CELF1: variants seen among roughly 807,000 people sequenced by gnomAD.
The protein encoded by CELF1 is 50 kDa nuclear polyadenylated RNA-binding protein.
CELF1 carries 10 observed loss-of-function variants against 61.8 expected under a neutral mutation model. The observed-to-expected ratio is 0.16, with a 90% CI of 0.10 to 0.27. CELF1 has a LOEUF of 0.27. CELF1 is among the 10% of genes least tolerant of loss of function. The pLI, the probability that CELF1 is intolerant of heterozygous loss-of-function variation, is 1.00. For missense variants in CELF1, 380 were observed against 639.1 expected (o/e 0.59, Z 4.37); for synonymous variants, 236 against 225.1 (o/e 1.05, Z -0.43).
At position 47,519,842 on chromosome 11, in the gene CELF1, G is replaced by A. The variant is rs138954681; in HGVS notation, c.-153-18910C>T. Among the ~76,000 whole-genome samples the A allele has an allele frequency of 8.6e-3, 1,296 of 150,438 alleles. 17 individuals carry two copies. Among genetic ancestry groups the A allele is most frequent in the African/African-American group, 0.03 (1,209 of 40,952 alleles). The stretch of plus-strand genomic sequence containing the variant: ...CGTGCCACTGCATTCCAGCCTGGGC[G>A]ACGGAGCCAGACTCCGTCTCAAAAA... On this transcript the variant is annotated intron_variant, in intron 1 of 14. Transcript: ENST00000687097.
chr11:47,545,085 T>C (rs1261782565), intron 1 of CELF1, among the ~76,000 whole-genome samples: 8 of 151,976 alleles, frequency 5.3e-5, no homozygotes, highest in Non-Finnish European at 1.0e-4. Flanking sequence ...GAGTTCAAGA[T>C]CAGCCTGGCC....
chr11:47,546,066 A>G (rs1239886784), intron 1 of CELF1, among the ~76,000 whole-genome samples: 1 of 151,460 alleles, frequency 6.6e-6, no homozygotes, highest in Non-Finnish European at 1.5e-5. Flanking sequence ...GCCTGCCACC[A>G]TGCCCAGCTA....
intron 3 of CELF1, among the ~76,000 whole-genome samples, chr11:47,492,992 G>A (rs1012917124): frequency 3.3e-5 from 5 of 152,154 alleles, no homozygotes; most frequent in Non-Finnish European, 5.9e-5. Flanking sequence ...CCTTCCCTCT[G>A]TTGTTTGTGT....
intron 1 of CELF1, chr11:47,524,105 C>G (rs1459471810): frequency 6.6e-6 from 1 of 152,124 alleles, no homozygotes; most frequent in Non-Finnish European, 1.5e-5. Context: ...CCCCACAGTT[C>G]CTTTCCTGGC....
At chr11:47,487,086 TG>T in intron 5 of CELF1, 72 bp downstream of exon 5, 1 of 1,187,642 alleles carries the variant, frequency 8.4e-7, no homozygotes, top group Non-Finnish European at 1.2e-6. Context: ...TTTCAGTGTG[TG>T]TCTGATATGT....
intron 1 of CELF1, among the ~76,000 whole-genome samples, chr11:47,535,521 A>G (rs1277523257): frequency 6.6e-6 from 1 of 151,636 alleles, no homozygotes; most frequent in Non-Finnish European, 1.5e-5. Flanking sequence ...TCTACTAAAA[A>G]TAGAAAATTA....
At chr11:47,541,753 AGAAC>A (rs2096797272) in intron 1 of CELF1, among the ~76,000 whole-genome samples, 4 of 14,588 alleles carry the variant, frequency 2.7e-4, no homozygotes, top group African/African-American at 5.2e-4. Flanking sequence ...AAAGAAAGAA[AGAAC>A]GAAAGAAAGA....
rs370769650 is a variant in CELF1 at position 47,492,600 on chromosome 11, C to T, written c.72-3576G>A. ...CAAAGCAATTAGCTGGGTGTGGTGG[C>T]GTGCACCTGTAATCCCAGCTACTCG... On this transcript the variant is annotated intron_variant, in intron 3 of 14. Coordinates refer to ENST00000687097, the MANE Select transcript of CELF1 (RefSeq NM_001376376.1). Among the ~76,000 whole-genome samples, 30 of 152,216 alleles carry T rather than the reference C, an allele frequency of 2.0e-4. No individual in the cohort carries two copies. The East Asian group carries it at 3.5e-3, about 18-fold the overall frequency.
chr11:47,541,816 A>G (rs1470853439), intron 1 of CELF1, among the ~76,000 whole-genome samples: 2 of 148,002 alleles, frequency 1.4e-5, no homozygotes, highest in South Asian at 2.2e-4. Context: ...GAAAGAAAGA[A>G]AGAAAGAAAG....
At chr11:47,505,984 G>T (rs1391640537) in intron 1 of CELF1, among the ~76,000 whole-genome samples, 1 of 150,682 alleles carries the variant, frequency 6.6e-6, no homozygotes, top group Non-Finnish European at 1.5e-5. Flanking sequence ...TTCAAGGAAG[G>T]TATTAGTACG....
At chr11:47,547,541 G>A (rs1411121302) in intron 1 of CELF1, among the ~76,000 whole-genome samples, 3 of 152,058 alleles carry the variant, frequency 2.0e-5, no homozygotes, top group African/African-American at 7.2e-5. Context: ...GCCAGGCTAG[G>A]TGGCTCATGC....
intron 7 of CELF1, 131 bp downstream of exon 7, chr11:47,484,258 T>C: frequency 1.1e-6 from 1 of 907,176 alleles, no homozygotes; most frequent in South Asian, 1.6e-5. Flanking sequence ...CAGGCTGCAG[T>C]GAGTTGTGAA....
chr11:47,484,145 C>G (rs989651107), intron 7 of CELF1, among the ~76,000 whole-genome samples: 1 of 152,018 alleles, frequency 6.6e-6, no homozygotes. Flanking sequence ...CCAGCCTGGG[C>G]AACACAGGGA....
intron 3 of CELF1, among the ~76,000 whole-genome samples, chr11:47,490,818 A>C (rs938194461): frequency 7.9e-5 from 12 of 152,146 alleles, no homozygotes; most frequent in African/African-American, 1.4e-4. Context: ...AGAATGCTGA[A>C]TCTATGAAAG....
At chr11:47,538,901 G>C (rs556987173) in intron 1 of CELF1, among the ~76,000 whole-genome samples, 36 of 152,168 alleles carry the variant, frequency 2.4e-4, no homozygotes, top group Non-Finnish European at 2.2e-4. Context: ...CATTCATGAA[G>C]TTACTGAGCT....
chr11:47,493,204 A>G (rs1428535693), intron 3 of CELF1, among the ~76,000 whole-genome samples: 3 of 151,892 alleles, frequency 2.0e-5, no homozygotes, highest in African/African-American at 7.3e-5. Flanking sequence ...CTGTTTATAT[A>G]CCAATTCAAT....
chr11:47,507,725 A>G (rs1383257803), intron 1 of CELF1, among the ~76,000 whole-genome samples: 1 of 152,188 alleles, frequency 6.6e-6, no homozygotes, highest in Non-Finnish European at 1.5e-5. Flanking sequence ...CTGAAAGACA[A>G]AGCCAGACCC....
At chr11:47,509,371 G>C (rs1189455573) in intron 1 of CELF1, among the ~76,000 whole-genome samples, 1 of 152,158 alleles carries the variant, frequency 6.6e-6, no homozygotes, top group African/African-American at 2.4e-5. Context: ...GAAGTACACA[G>C]GTGGTTCTAA....
intron 1 of CELF1, among the ~76,000 whole-genome samples, chr11:47,550,455 C>CG (rs1301917996): frequency 3.9e-5 from 6 of 151,912 alleles, no homozygotes; most frequent in East Asian, 3.9e-4. Context: ...TGCTTGAGCC[C>CG]GGGGGACAGG....
Sources: allele counts gnomAD v4.1 joint callset (sites outside exome capture counted in the v4.1 genomes callset), GRCh38; gene constraint gnomAD v4.1.1; transcripts MANE v1.5; gene names NCBI Gene and HGNC (gene_info 2026-07-23, HGNC 2026-07-21).